Variants in MBOAT2 observed in about 807,000 individuals in gnomAD.
MBOAT2 encodes membrane-bound glycerophospholipid O-acyltransferase 2.
Under a neutral mutation model 63.4 loss-of-function variants are expected in MBOAT2, and 28 were observed. That is an observed-to-expected ratio of 0.44 (90% CI 0.33 to 0.61). The LOEUF (loss-of-function observed/expected upper bound fraction) is 0.61. Ranked by LOEUF, MBOAT2 falls within the 20% of genes least tolerant of loss-of-function variation. MBOAT2 has a pLI of 0.03. For missense variants in MBOAT2, 470 were observed against 605.8 expected (o/e 0.78, Z 2.35); for synonymous variants, 211 against 215.6 (o/e 0.98, Z 0.19).
intron 8 of MBOAT2, among the ~76,000 whole-genome samples, chr2:8,869,336 C>T (rs1443955714): frequency 1.3e-5 from 2 of 151,986 alleles, no homozygotes; most frequent in Non-Finnish European, 2.9e-5. Flanking sequence ...CAAGAGCTAC[C>T]GCACCCGACC....
chr2:8,917,016 T>C (rs1258980855), intron 3 of MBOAT2, among the ~76,000 whole-genome samples: 2 of 152,288 alleles, frequency 1.3e-5, no homozygotes, highest in African/African-American at 4.8e-5. Context: ...AGATGGTGAA[T>C]TGCAATTCAA....
chr2:8,975,922 T>C (rs1573223432), intron 1 of MBOAT2, among the ~76,000 whole-genome samples: 1 of 152,010 alleles, frequency 6.6e-6, no homozygotes, highest in East Asian at 1.9e-4. Context: ...ATCTCCTGAA[T>C]TATATGGCCA....
intron 1 of MBOAT2, among the ~76,000 whole-genome samples, chr2:8,964,578 A>G (rs1669856887): frequency 6.6e-6 from 1 of 151,782 alleles, no homozygotes; most frequent in Admixed American, 6.6e-5. Context: ...CTATGTTGAT[A>G]CACATGGCTC....
intron 1 of MBOAT2, among the ~76,000 whole-genome samples, chr2:8,962,888 A>T (rs781169624): frequency 1.4e-4 from 22 of 152,244 alleles, no homozygotes; most frequent in Admixed American, 4.6e-4. Flanking sequence ...TGTAACAAAG[A>T]GTTAGTATTC....
chr2:8,995,812 C>T (rs1418437200), intron 1 of MBOAT2, among the ~76,000 whole-genome samples: 1 of 152,110 alleles, frequency 6.6e-6, no homozygotes. Flanking sequence ...AGAATGGTCT[C>T]GATCTCCTGA....
intron 5 of MBOAT2, among the ~76,000 whole-genome samples, chr2:8,886,998 A>G (rs550052255): frequency 1.1e-4 from 17 of 152,332 alleles, no homozygotes; most frequent in South Asian, 2.1e-4. Context: ...CATAAATTAT[A>G]ATCCAAGAAA....
At chr2:8,947,138 A>G (rs1363183181) in intron 2 of MBOAT2, among the ~76,000 whole-genome samples, 1 of 152,258 alleles carries the variant, frequency 6.6e-6, no homozygotes, top group African/African-American at 2.4e-5. Context: ...CTGCTAATAC[A>G]GAGAAAGTTT....
chr2:8,991,239 T>C (rs1366311955), intron 1 of MBOAT2, among the ~76,000 whole-genome samples: 2 of 152,206 alleles, frequency 1.3e-5, no homozygotes, highest in Non-Finnish European at 2.9e-5. Flanking sequence ...TATCAAGACC[T>C]TTCCAAGTAT....
At chr2:8,968,091 T>A (rs1030323645) in intron 1 of MBOAT2, among the ~76,000 whole-genome samples, 1 of 151,188 alleles carries the variant, frequency 6.6e-6, no homozygotes, top group Non-Finnish European at 1.5e-5. Context: ...CTCAAGTGGG[T>A]CCCTGACCCC....
At chr2:8,952,738 C>CTTT (rs1283665939) in intron 2 of MBOAT2, among the ~76,000 whole-genome samples, 48 of 138,072 alleles carry the variant, frequency 3.5e-4, no homozygotes, top group Middle Eastern at 7.6e-3. Context: ...ATGTAACGCC[C>CTTT]TTTTTTTTTT....
chr2:8,900,221 G>C (rs1664811534), intron 4 of MBOAT2, among the ~76,000 whole-genome samples: 1 of 151,380 alleles, frequency 6.6e-6, no homozygotes, highest in South Asian at 2.1e-4. Flanking sequence ...ATCCATACTG[G>C]GGATGGCTTG....
rs187885154 is a variant in MBOAT2, at chr2:8,996,791, G to A, written c.75+6749C>T. Among the ~76,000 whole-genome samples the A allele has an allele frequency of 6.6e-5, 10 of 152,280 alleles. No homozygotes were observed. The East Asian group carries it at 1.9e-3, about 29-fold the overall frequency. On this transcript the variant is annotated intron_variant, in intron 1 of 12. Coordinates refer to ENST00000305997, the MANE Select transcript of MBOAT2 (RefSeq NM_138799.4). ...TGTAAATAGCTCTTTAAGTTACCTG[G>A]TTGCCTTAGTTACCTACTTCAATCT...
intron 4 of MBOAT2, among the ~76,000 whole-genome samples, chr2:8,892,121 A>G (rs894884918): frequency 6.6e-6 from 1 of 152,246 alleles, no homozygotes; most frequent in Non-Finnish European, 1.5e-5. Context: ...AAACATTACA[A>G]GATAATGAAT....
At chr2:8,977,856 A>C (rs1033879597) in intron 1 of MBOAT2, among the ~76,000 whole-genome samples, 3 of 152,090 alleles carry the variant, frequency 2.0e-5, no homozygotes, top group Non-Finnish European at 4.4e-5. Context: ...CCTTGCAATC[A>C]ACCTCTGACT....
In MBOAT2 at chr2:8,860,622, G is replaced by C. The variant is rs139368884; in HGVS notation, c.1328C>G (p.Thr443Arg). The C allele has an allele frequency of 1.9e-6, 3 of 1,612,126 alleles. No individual in the cohort carries two copies. The highest frequency in any genetic ancestry group is 2.5e-6 in the Non-Finnish European group (3 of 1,179,506). The change falls in exon 12 of 13, where the codon ACG becomes AGG. Residue 443 changes from threonine (T) to arginine (R), a missense_variant. By Grantham distance (71) the Thr-to-Arg change is moderately conservative. Coordinates refer to ENST00000305997, the MANE Select transcript of MBOAT2 (RefSeq NM_138799.4). ...TAAGAGTAACACTTACCTGTAAAAC[G>C]TGAGTGATGGTTTTATAGAAAGAAG... Reference protein sequence around the residue: ...FVLLSIKPSLTFYSSWYYCLH... With the variant: ...FVLLSIKPSLRFYSSWYYCLH...
chr2:8,898,417 T>C (rs1235196806), intron 4 of MBOAT2, among the ~76,000 whole-genome samples: 1 of 152,230 alleles, frequency 6.6e-6, no homozygotes, highest in African/African-American at 2.4e-5. Flanking sequence ...CAGTACAGCC[T>C]GTATTCATTC....
At chr2:8,936,817 G>A (rs1176999308) in intron 3 of MBOAT2, among the ~76,000 whole-genome samples, 272 of 139,874 alleles carry the variant, frequency 1.9e-3, no homozygotes, top group African/African-American at 5.4e-3. Context: ...AAAAGAAAAA[G>A]AAAAGAAAAA....
At chr2:8,965,233 G>A (rs1030755426) in intron 1 of MBOAT2, among the ~76,000 whole-genome samples, 3 of 152,116 alleles carry the variant, frequency 2.0e-5, no homozygotes, top group Non-Finnish European at 2.9e-5. Flanking sequence ...TTCCACTTAC[G>A]GCATTAAAAC....
chr2:8,913,067 A>T (rs1002452412), intron 3 of MBOAT2, among the ~76,000 whole-genome samples: 1 of 152,210 alleles, frequency 6.6e-6, no homozygotes, highest in Non-Finnish European at 1.5e-5. Context: ...ATCTTCAACA[A>T]AGCAAACAAA....
Sources: gnomAD v4.1 joint callset for allele counts (sites outside exome capture counted in the v4.1 genomes callset) on GRCh38, gnomAD v4.1.1 for gene constraint, MANE v1.5 for transcripts, NCBI Gene and HGNC (gene_info 2026-07-23, HGNC 2026-07-21) for gene names.